ZNF699: variants seen among roughly 807,000 people sequenced by gnomAD.
The protein encoded by ZNF699 is hangover homolog.
In ZNF699, 18 loss-of-function variants were observed where a neutral mutation model predicts 22.5. That is an observed-to-expected ratio of 0.80 (90% CI 0.55 to 1.19). The LOEUF is 1.19. Ranked by LOEUF, ZNF699 falls within the 50% of genes most tolerant of loss-of-function variation. The probability of loss-of-function intolerance (pLI) is 0.00; values close to 1 mark genes in which losing one functional copy is unlikely to be tolerated. For missense variants in ZNF699, 670 were observed against 763.4 expected, an observed-to-expected ratio of 0.88 and a Z score of 1.44; for synonymous variants, 241 against 262.3, an observed-to-expected ratio of 0.92 and a Z score of 0.78.
intron 1 of ZNF699, among the ~76,000 whole-genome samples, chr19:9,308,496 A>C (rs2066335670): frequency 6.6e-6 from 1 of 152,188 alleles, no homozygotes; most frequent in Non-Finnish European, 1.5e-5. Context: ...TAAAGAAAAA[A>C]AAATCAGCGG....
chr19:9,300,338 C>T (rs1443039629), intron 3 of ZNF699, among the ~76,000 whole-genome samples: 2 of 152,158 alleles, frequency 1.3e-5, no homozygotes, highest in Non-Finnish European at 2.9e-5. Context: ...CCTCGGCCTC[C>T]CAAAGTACTA....
rs928669831 is a variant in ZNF699 at position 9,300,248 on chromosome 19, T to C, written c.175+2130A>G. Among the ~76,000 whole-genome samples the C allele has an allele frequency of 7.9e-5, 12 of 152,268 alleles. No individual in the cohort carries two copies. In the South Asian group the frequency reaches 2.5e-3, roughly 32 times the overall value. ...GGTGCCCGCCAACACACCCGGCTAA[T>C]TTTTTGTATTTTTAGTACAGATGGA... On this transcript the variant is annotated intron_variant, in intron 3 of 5. Coordinates refer to ENST00000591998, the MANE Select transcript of ZNF699 (RefSeq NM_198535.3).
rs1226446115 is a variant in ZNF699, at chr19:9,302,864, A to AT, written c.49-361dup. 3.3e-5 allele frequency among the ~76,000 whole-genome samples: 5 copies of AT among 152,206 alleles called. No individual in the cohort carries two copies. The East Asian group carries it at 7.7e-4, about 24-fold the overall frequency. Reference sequence around the variant, plus strand: ...ATAGTGAGAATCAGTCTCTACTAAAATTTTTTTAAAAAATAGCTGGGCGTG... The same window carrying AT: ...ATAGTGAGAATCAGTCTCTACTAAAATTTTTTTTAAAAAATAGCTGGGCGTG... On this transcript the variant is annotated intron_variant, in intron 2 of 5. Transcript: ENST00000591998.
At chr19:9,305,211 T>C (rs2066323046) in intron 1 of ZNF699, 87 bp from the exon 2 acceptor site, 1 of 1,027,408 alleles carries the variant, frequency 9.7e-7, no homozygotes, top group Non-Finnish European at 1.5e-6. Context: ...CCCACACTCA[T>C]GAGCCTGGAT....
Position 9,297,890 on chromosome 19 carries a change from C to T in ZNF699, c.276G>A (p.Glu92=). Residue 92 remains glutamate, a synonymous_variant, in exon 4 of 6, where the codon GAG becomes GAA. Transcript: ENST00000591998. The surrounding 1 kb of genome is among the most constrained non-coding windows in gnomAD (Gnocchi z 4.3). The stretch of plus-strand genomic sequence containing the variant: ...CCCAAGGGTTCTTGCCTTCCCGGTG[C>T]TCTCCCATAAAGATGCCCTGGATAA... ...RELIQGIFMG[E]HREGFETQLK... 6.2e-7 allele frequency: 1 copy of T among 1,612,996 alleles called. No homozygotes were observed. Among genetic ancestry groups the T allele is most frequent in the Admixed American group, 1.7e-5 (1 of 59,960 alleles).
At chr19:9,300,235 C>T (rs1310523737) in intron 3 of ZNF699, among the ~76,000 whole-genome samples, 1 of 152,200 alleles carries the variant, frequency 6.6e-6, no homozygotes, top group East Asian at 1.9e-4. Flanking sequence ...TGCCCGCCAA[C>T]ACACCCGGCT....
rs2066273049 is a variant in ZNF699 at position 9,293,323 on chromosome 19, C to CATTTTCATGCATTGT, written c.*2151_*2152insACAATGCATGAAAAT. Among the ~76,000 whole-genome samples, 1 of 152,068 alleles carries CATTTTCATGCATTGT rather than the reference C, an allele frequency of 6.6e-6. No individual in the cohort carries two copies. Among genetic ancestry groups the CATTTTCATGCATTGT allele is most frequent in the African/African-American group, 2.4e-5 (1 of 41,384 alleles). ...GGACAGGTGTGTGAAACAACTGGAA[C>CATTTTCATGCATTGT]TTTCATGCATTGTTTTGGGGATTAT... On this transcript the variant is annotated 3_prime_UTR_variant, in exon 6 of 6. Coordinates refer to ENST00000591998, the MANE Select transcript of ZNF699 (RefSeq NM_198535.3).
At position 9,292,406 on chromosome 19, in the gene ZNF699, C is replaced by A. The variant is rs920558737; in HGVS notation, c.*3069G>T. On this transcript the variant is annotated 3_prime_UTR_variant, in exon 6 of 6. Transcript: ENST00000591998. ...GGAACCACTCAAAAAGACAATCACT[C>A]TTTTCTCCCTGAGACTTTAAGTTGG... Among the ~76,000 whole-genome samples the A allele has an allele frequency of 6.6e-6, 1 of 152,194 alleles. No individual in the cohort carries two copies. The highest frequency in any genetic ancestry group is 2.4e-5 in the African/African-American group (1 of 41,454).
chr19:9,299,119 G>A (rs1404496615), intron 3 of ZNF699, among the ~76,000 whole-genome samples: 2 of 152,128 alleles, frequency 1.3e-5, no homozygotes, highest in Non-Finnish European at 2.9e-5. Context: ...CCTTCTGTTT[G>A]GCAATGACAT....
chr19:9,293,651 G>A lies in ZNF699; in HGVS notation c.*1824C>T, dbSNP rs2066274224. Among the ~76,000 whole-genome samples, 1 of 152,168 alleles carries A rather than the reference G, an allele frequency of 6.6e-6. No individual in the cohort carries two copies. The highest frequency in any genetic ancestry group is 2.4e-5 in the African/African-American group (1 of 41,446). ...CTGTGGAGTAATTATCACTGAGAAA[G>A]AGGATGAAGGAACTTCCTAAAGTCT... On this transcript the variant is annotated 3_prime_UTR_variant, in exon 6 of 6. Coordinates refer to ENST00000591998, the MANE Select transcript of ZNF699 (RefSeq NM_198535.3).
chr19:9,308,097 G>A (rs1474017084), intron 1 of ZNF699, among the ~76,000 whole-genome samples: 1 of 151,990 alleles, frequency 6.6e-6, no homozygotes, highest in African/African-American at 2.4e-5. Context: ...AGCATCCTTT[G>A]CAAAAAGAAA....
rs1193860089 is a variant in ZNF699 at position 9,293,531 on chromosome 19, A to G, written c.*1944T>C. Among the ~76,000 whole-genome samples the G allele has an allele frequency of 6.6e-6, 1 of 152,212 alleles. No homozygotes were observed. Among genetic ancestry groups the G allele is most frequent in the Non-Finnish European group, 1.5e-5 (1 of 68,030 alleles). ...ATTATGTTGAGCAAAAGAAGTCAAA[A>G]CACATAACTGTATATATTGTATTTT... On this transcript the variant is annotated 3_prime_UTR_variant, in exon 6 of 6. Transcript: ENST00000591998.
chr19:9,296,196 G>C lies in ZNF699; in HGVS notation c.1208C>G (p.Pro403Arg), dbSNP rs1186784376. Residue 403 changes from proline (P) to arginine (R), a missense_variant, in exon 6 of 6, where the codon CCC (proline) becomes CGC (arginine). Transcript: ENST00000591998. ...CKECGKAYNC[P>R]SSLSIHMRKH... ...TCTCATATGGATACTTAAGGAGGAG[G>C]GACAATTGTAGGCTTTCCCACATTC... 2 of 1,613,876 alleles carry C rather than the reference G, an allele frequency of 1.2e-6. No individual in the cohort carries two copies. Among genetic ancestry groups the C allele is most frequent in the African/African-American group, 2.7e-5 (2 of 74,972 alleles).
chr19:9,295,611 C>G lies in ZNF699; in HGVS notation c.1793G>C (p.Cys598Ser). ...ECLECGKAFSCPSSFRRHVRS... is the reference protein window; with the variant it reads ...ECLECGKAFSSPSSFRRHVRS... ...CACATGCCTTCGAAAGGATGAGGGA[C>G]AACTGAAAGCTTTTCCACATTCCAG... Residue 598 changes from cysteine to serine, a missense_variant, in exon 6 of 6, where the codon TGT (cysteine) becomes TCT (serine). Cys to Ser is a moderately radical substitution (Grantham distance 112, BLOSUM62 -1). Transcript: ENST00000591998. The G allele has an allele frequency of 1.2e-6, 2 of 1,613,680 alleles. No individual in the cohort carries two copies. Among genetic ancestry groups the G allele is most frequent in the Non-Finnish European group, 1.7e-6 (2 of 1,179,926 alleles).
chr19:9,296,632 T>A lies in ZNF699; in HGVS notation c.772A>T (p.Lys258Ter). ...EKPYECKECT[K>*]AFSCSSFFRA... is the part of the protein sequence containing the mutation. ...AAGAATGAGGAACAGCTGAAGGCTT[T>A]GGTACATTCCTTACATTCATAGGGC... Residue 258 changes from lysine (K) to a stop codon, truncating the protein, a stop_gained, in exon 6 of 6, where the codon AAA (lysine) becomes TAA (stop). Coordinates refer to ENST00000591998, the MANE Select transcript of ZNF699 (RefSeq NM_198535.3). LOFTEE classifies it low-confidence loss of function (END_TRUNC). 1 of 1,614,192 alleles carries A rather than the reference T, an allele frequency of 6.2e-7. No individual in the cohort carries two copies. The highest frequency in any genetic ancestry group is 8.5e-7 in the Non-Finnish European group (1 of 1,180,032).
Position 9,292,562 on chromosome 19 carries a change from G to T in ZNF699, c.*2913C>A, listed in dbSNP as rs547697472. 2.0e-5 allele frequency among the ~76,000 whole-genome samples: 3 copies of T among 152,066 alleles called. No individual in the cohort carries two copies. Among genetic ancestry groups the T allele is most frequent in the African/African-American group, 4.8e-5 (2 of 41,402 alleles). On this transcript the variant is annotated 3_prime_UTR_variant, in exon 6 of 6. Transcript: ENST00000591998. ...ACTAGATAACATTTTTTTAGCCCCAGGATTTAGCCATGTCTGAAGCTCGTT... is the reference window on the plus strand; with the variant it reads ...ACTAGATAACATTTTTTTAGCCCCATGATTTAGCCATGTCTGAAGCTCGTT...
At chr19:9,302,628 C>T (rs902842302) in intron 2 of ZNF699, 124 bp from the exon 3 acceptor site, 39 of 994,224 alleles carry the variant, frequency 3.9e-5, no homozygotes, top group Non-Finnish European at 5.3e-5. Flanking sequence ...AAGATCCCAG[C>T]ATCTACTCTA....
intron 1 of ZNF699, among the ~76,000 whole-genome samples, chr19:9,306,500 C>A (rs1416491410): frequency 6.6e-6 from 1 of 151,980 alleles, no homozygotes; most frequent in African/African-American, 2.4e-5. Context: ...TGCAGTGGAA[C>A]AAGTAGCATT....
intron 3 of ZNF699, 82 bp from the exon 4 acceptor site, chr19:9,298,072 T>C: frequency 1.2e-6 from 1 of 845,778 alleles, no homozygotes; most frequent in Non-Finnish European, 1.9e-6. Context: ...AAAACTTTAG[T>C]CTTCTGATAT....
Sources: gnomAD v4.1 joint callset for allele counts (sites outside exome capture counted in the v4.1 genomes callset) on GRCh38, gnomAD v4.1.1 for gene constraint, Gnocchi (gnomAD v3.1) non-coding constraint, MANE v1.5 for transcripts, NCBI Gene and HGNC (gene_info 2026-07-23, HGNC 2026-07-21) for gene names.